TBC1D8: variants seen among roughly 807,000 people sequenced by gnomAD.
TBC1D8 encodes TBC1 domain family member 8, also known as BUB2-like protein 1.
A neutral mutation model predicts 118.8 loss-of-function variants in TBC1D8; 65 were observed. The observed-to-expected ratio is 0.55, with a 90% CI of 0.45 to 0.67. TBC1D8 has a LOEUF of 0.67. Among genes scored for constraint, TBC1D8 ranks in the 30% least tolerant of loss-of-function variants. The pLI, the probability that TBC1D8 is intolerant of heterozygous loss-of-function variation, is 0.00. For synonymous variants in TBC1D8, 566 were observed against 595.8 expected, an observed-to-expected ratio of 0.95 and a Z score of 0.73; for missense variants, 1,376 against 1,471.2, an observed-to-expected ratio of 0.94 and a Z score of 1.06.
At chr2:101,092,118 C>G (rs1253844044) in intron 1 of TBC1D8, among the ~76,000 whole-genome samples, 1 of 152,234 alleles carries the variant, frequency 6.6e-6, no homozygotes, top group Non-Finnish European at 1.5e-5. Flanking sequence ...AGTTCAGAAT[C>G]ACATTCAGTT....
intron 1 of TBC1D8, among the ~76,000 whole-genome samples, chr2:101,117,980 C>A (rs986095021): frequency 2.0e-5 from 3 of 149,928 alleles, no homozygotes; most frequent in Admixed American, 6.7e-5. Context: ...ACTGGAAAGT[C>A]ATCTCTCAGT....
At chr2:101,114,667 T>C (rs139864590) in intron 1 of TBC1D8, among the ~76,000 whole-genome samples, 3 of 152,344 alleles carry the variant, frequency 2.0e-5, no homozygotes, top group Non-Finnish European at 4.4e-5. Context: ...ATTAAATTTA[T>C]ATCACGGACT....
In TBC1D8 at chr2:101,147,496, T is replaced by C. The variant is rs56713438; in HGVS notation, c.127+3631A>G. Among the ~76,000 whole-genome samples the C allele has an allele frequency of 7.0e-3, 1,073 of 152,298 alleles. 15 individuals are homozygous for C. Among genetic ancestry groups the C allele is most frequent in the African/African-American group, 0.024 (1,011 of 41,560 alleles). On this transcript the variant is annotated intron_variant, in intron 1 of 19. Coordinates refer to ENST00000409318, the MANE Select transcript of TBC1D8 (RefSeq NM_001330348.2). ...CGTTTTTCCTTTGTCTTTTCAATAA[T>C]AGCCATTCTAAGAAAAACATTAATT...
rs560068293 is a variant in TBC1D8 at position 101,144,401 on chromosome 2, G to T, written c.127+6726C>A. On this transcript the variant is annotated intron_variant, in intron 1 of 19. Coordinates refer to ENST00000409318, the MANE Select transcript of TBC1D8 (RefSeq NM_001330348.2). Reference sequence around the variant, plus strand: ...AAGAATTAGCCAGATGCTTGGGGGTGGGGGAGGAGACAGCCATGAGGGGCC... The same window carrying T: ...AAGAATTAGCCAGATGCTTGGGGGTTGGGGAGGAGACAGCCATGAGGGGCC... Among the ~76,000 whole-genome samples the T allele has an allele frequency of 1.2e-4, 18 of 152,244 alleles. No individual in the cohort carries two copies. In the South Asian group the frequency reaches 3.7e-3, roughly 32 times the overall value.
intron 2 of TBC1D8, among the ~76,000 whole-genome samples, chr2:101,073,692 T>C (rs191606552): frequency 1.1e-4 from 17 of 152,252 alleles, no homozygotes; most frequent in Non-Finnish European, 2.1e-4. Flanking sequence ...AGCTTCTCCA[T>C]CAGTACTTGC....
chr2:101,010,019 G>T (rs1319550691), intron 19 of TBC1D8, among the ~76,000 whole-genome samples: 1 of 151,816 alleles, frequency 6.6e-6, no homozygotes. Context: ...GTAGAGACGG[G>T]GTTTCACCAT....
At chr2:101,125,557 C>G (rs987573896) in intron 1 of TBC1D8, among the ~76,000 whole-genome samples, 9 of 152,176 alleles carry the variant, frequency 5.9e-5, no homozygotes, top group Non-Finnish European at 1.3e-4. Context: ...GCCCCGTGCC[C>G]TTACTATCAA....
At chr2:101,041,654 A>AACTTTTT (rs1178092695) in intron 5 of TBC1D8, among the ~76,000 whole-genome samples, 6 of 152,244 alleles carry the variant, frequency 3.9e-5, no homozygotes. Context: ...ACATGGTAAA[A>AACTTTTT]ACCACTGAAT....
intron 1 of TBC1D8, 30 bp from the exon 2 acceptor site, chr2:101,090,394 T>C (rs1251896100): frequency 3.1e-6 from 5 of 1,612,316 alleles, no homozygotes; most frequent in Non-Finnish European, 1.7e-6. Flanking sequence ...AAAGTGCACC[T>C]GTGAGCATGG....
chr2:101,045,313 A>G (rs1367481872), intron 5 of TBC1D8, among the ~76,000 whole-genome samples: 1 of 152,204 alleles, frequency 6.6e-6, no homozygotes, highest in East Asian at 1.9e-4. Flanking sequence ...TACTTTCGGT[A>G]AAGATGTATC....
chr2:101,094,358 G>A (rs1676255836), intron 1 of TBC1D8, among the ~76,000 whole-genome samples: 1 of 152,190 alleles, frequency 6.6e-6, no homozygotes, highest in Admixed American at 6.5e-5. Flanking sequence ...TAAAGCTGCA[G>A]TTGCAGGGGA....
chr2:101,131,407 C>T (rs181160419), intron 1 of TBC1D8, among the ~76,000 whole-genome samples: 27 of 152,092 alleles, frequency 1.8e-4, no homozygotes, highest in African/African-American at 4.1e-4. Context: ...CCCAGCTACT[C>T]GGGAGGCTGA....
intron 11 of TBC1D8, 168 bp from the exon 12 acceptor site, chr2:101,029,944 A>G (rs1680573583): frequency 3.1e-6 from 2 of 642,618 alleles, no homozygotes; most frequent in East Asian, 5.6e-5. Context: ...AGGTAATTCA[A>G]TGGGTAAAAG....
chr2:101,017,022 A>G (rs1159485504), intron 17 of TBC1D8, among the ~76,000 whole-genome samples: 1 of 151,878 alleles, frequency 6.6e-6, no homozygotes, highest in Non-Finnish European at 1.5e-5. Context: ...ACATGTATAC[A>G]TATGTAACTA....
chr2:101,051,334 C>T (rs1480014700), intron 4 of TBC1D8, among the ~76,000 whole-genome samples: 1 of 152,166 alleles, frequency 6.6e-6, no homozygotes, highest in Non-Finnish European at 1.5e-5. Context: ...AATTGCCACA[C>T]TGTTTTCCAC....
intron 2 of TBC1D8, among the ~76,000 whole-genome samples, chr2:101,075,153 T>C (rs1309505272): frequency 5.3e-5 from 8 of 152,152 alleles, no homozygotes; most frequent in Non-Finnish European, 1.0e-4. Context: ...TCCCAGCACT[T>C]TGGGAGGCCA....
chr2:101,078,382 T>G (rs1674984529), intron 2 of TBC1D8, among the ~76,000 whole-genome samples: 1 of 152,114 alleles, frequency 6.6e-6, no homozygotes, highest in Non-Finnish European at 1.5e-5. Context: ...AACCCAGATC[T>G]ATGAAGATTC....
chr2:101,114,815 C>T (rs1677746913), intron 1 of TBC1D8, among the ~76,000 whole-genome samples: 1 of 152,150 alleles, frequency 6.6e-6, no homozygotes, highest in Non-Finnish European at 1.5e-5. Flanking sequence ...GGAATTTAAC[C>T]ATTAATTCTA....
At chr2:101,115,750 C>CA (rs374743483) in intron 1 of TBC1D8, among the ~76,000 whole-genome samples, 2,042 of 143,568 alleles carry the variant, frequency 0.014, 44 homozygotes, top group African/African-American at 0.048. Flanking sequence ...GACCTTGTTT[C>CA]AAAAAAAAAA....
Sources: allele counts gnomAD v4.1 joint callset (sites outside exome capture counted in the v4.1 genomes callset), GRCh38; gene constraint gnomAD v4.1.1; transcripts MANE v1.5; gene names NCBI Gene and HGNC (gene_info 2026-07-23, HGNC 2026-07-21).